UBR1: variants seen among roughly 807,000 people sequenced by gnomAD.
The protein encoded by UBR1 is E3 ubiquitin-protein ligase UBR1.
In UBR1, 102 loss-of-function variants were observed where a neutral mutation model predicts 242.1. The ratio of observed to expected loss-of-function variants is 0.42; its 90% CI spans 0.36 to 0.50. The LOEUF is 0.50. Among genes scored for constraint, UBR1 ranks in the 20% least tolerant of loss-of-function variants. UBR1 has a pLI of 0.01. For synonymous variants in UBR1, 675 were observed against 684.8 expected, an observed-to-expected ratio of 0.99 and a Z score of 0.22; for missense variants, 1,772 against 2,101.8, an observed-to-expected ratio of 0.84 and a Z score of 3.07.
intron 12 of UBR1, among the ~76,000 whole-genome samples, chr15:43,051,314 C>G (rs1458191400): frequency 6.6e-6 from 1 of 152,070 alleles, no homozygotes; most frequent in African/African-American, 2.4e-5. Flanking sequence ...AGCAAACTAA[C>G]GCAGAAACAG....
In UBR1 at chr15:42,986,375, A is replaced by C. The variant is rs574760148; in HGVS notation, c.3998-1433T>G. ...AATCCAATTACTAGATTATAGAACCACATATGAAAAGATTCAGCTCTATCA... is the reference window on the plus strand; with the variant it reads ...AATCCAATTACTAGATTATAGAACCCCATATGAAAAGATTCAGCTCTATCA... On this transcript the variant is annotated intron_variant, in intron 35 of 46. Transcript: ENST00000290650. Among the ~76,000 whole-genome samples, 8 of 152,342 alleles carry C rather than the reference A, an allele frequency of 5.3e-5. No homozygotes were observed. In the South Asian group the frequency reaches 1.7e-3, roughly 32 times the overall value.
At chr15:42,981,244 TA>T (rs201435915) in intron 37 of UBR1, among the ~76,000 whole-genome samples, 9 of 152,004 alleles carry the variant, frequency 5.9e-5, no homozygotes, top group African/African-American at 2.2e-4. Context: ...GTAATTTTAT[TA>T]AAAAAAACCT....
At position 43,074,881 on chromosome 15, in the gene UBR1, C is replaced by A. The variant is rs528995855; in HGVS notation, c.528+98G>T. 9.0e-6 allele frequency: 9 copies of A among 1,005,366 alleles called. No homozygotes were observed. In the East Asian group the frequency reaches 1.7e-4, roughly 19 times the overall value. The allele number at this position is 1,005,366 out of a possible 1,614,324, so 62.3% of individuals were successfully genotyped here. ...CACCTAAATATGAGAATAAAAACAG[C>A]AGGGTTCTAACTGGAATCTATACAC... On this transcript the variant is annotated intron_variant, in intron 4 of 46. Transcript: ENST00000290650.
intron 37 of UBR1, among the ~76,000 whole-genome samples, chr15:42,980,632 A>G (rs1209138978): frequency 6.6e-6 from 1 of 152,122 alleles, no homozygotes; most frequent in Non-Finnish European, 1.5e-5. Context: ...ATTTAGAGAC[A>G]AAGTCTCTCT....
chr15:43,036,625 A>C, intron 17 of UBR1, 32 bp from the exon 18 acceptor site: 1 of 1,418,934 alleles, frequency 7.0e-7, no homozygotes, highest in Non-Finnish European at 9.9e-7. Flanking sequence ...AAATCCTAAA[A>C]GAATTATTTT....
chr15:43,026,411 A>T, intron 23 of UBR1, 150 bp downstream of exon 23: 1 of 641,348 alleles, frequency 1.6e-6, no homozygotes, highest in Non-Finnish European at 2.7e-6. Context: ...ACTAGATAAG[A>T]TTATTGATTC....
At chr15:42,979,832 A>C (rs2032348586) in intron 37 of UBR1, among the ~76,000 whole-genome samples, 2 of 152,202 alleles carry the variant, frequency 1.3e-5, no homozygotes, top group South Asian at 4.1e-4. Context: ...TGCTGGGATT[A>C]CAGGTGTGAG....
chr15:42,947,440 T>C (rs1410630987), intron 46 of UBR1, among the ~76,000 whole-genome samples: 1 of 151,998 alleles, frequency 6.6e-6, no homozygotes, highest in Non-Finnish European at 1.5e-5. Context: ...CCAGGGCAAT[T>C]AGGCAGGAGA....
At position 42,952,316 on chromosome 15, in the gene UBR1, G is replaced by A. The variant is rs374962237; in HGVS notation, c.4968C>T (p.His1656=). The A allele has an allele frequency of 3.3e-5, 53 of 1,614,060 alleles. No individual in the cohort carries two copies. The highest frequency in any genetic ancestry group is 4.2e-5 in the Non-Finnish European group (50 of 1,180,044). ...NGEEVGACIF[H]ALHCGAGVCI... ...AGACTCCGGCTCCACAGTGAAGTGCGTGAAAAATGCAAGCTCCAACCTCTT... is the reference window on the plus strand; with the variant it reads ...AGACTCCGGCTCCACAGTGAAGTGCATGAAAAATGCAAGCTCCAACCTCTT... The change falls in exon 45 of 47, where the codon CAC becomes CAT. Residue 1656 remains histidine, a synonymous_variant. Coordinates refer to ENST00000290650, the MANE Select transcript of UBR1 (RefSeq NM_174916.3).
intron 4 of UBR1, 90 bp from the exon 5 acceptor site, chr15:43,071,015 G>A (rs1431532731): frequency 3.3e-6 from 5 of 1,509,748 alleles, no homozygotes; most frequent in Non-Finnish European, 4.5e-6. Flanking sequence ...TAATCACTTT[G>A]CTGAATTCAT....
chr15:42,946,694 C>A (rs1406099260), intron 46 of UBR1, among the ~76,000 whole-genome samples: 3 of 152,170 alleles, frequency 2.0e-5, no homozygotes, highest in Admixed American at 1.3e-4. Flanking sequence ...GAGGTCTAAT[C>A]TTTATCTATA....
At chr15:43,059,615 A>G in intron 8 of UBR1, 87 bp downstream of exon 8, 1 of 1,321,320 alleles carries the variant, frequency 7.6e-7, no homozygotes, top group South Asian at 1.4e-5. Context: ...GAAAAACTTT[A>G]TTTCATACTC....
chr15:43,099,332 CA>C (rs61577748), intron 1 of UBR1, among the ~76,000 whole-genome samples: 129,719 of 150,522 alleles, frequency 0.86, 55,889 homozygotes, highest in South Asian at 0.9. Flanking sequence ...TCCAAAAAAA[CA>C]AAAAAAAAAA....
chr15:42,992,350 T>C (rs536083309), intron 33 of UBR1, among the ~76,000 whole-genome samples: 32 of 152,356 alleles, frequency 2.1e-4, no homozygotes, highest in African/African-American at 7.7e-4. Context: ...TATTATCTTG[T>C]ATATTTGGAA....
intron 15 of UBR1, among the ~76,000 whole-genome samples, chr15:43,041,623 T>C (rs1467975566): frequency 2.0e-5 from 3 of 152,134 alleles, no homozygotes; most frequent in African/African-American, 4.8e-5. Context: ...AAAATTAGAT[T>C]TGACAATGAG....
intron 1 of UBR1, among the ~76,000 whole-genome samples, chr15:43,094,242 C>T (rs373946215): frequency 2.0e-5 from 3 of 151,978 alleles, no homozygotes; most frequent in Admixed American, 6.6e-5. Flanking sequence ...CCAGCCTGGC[C>T]GACATGATGA....
At chr15:43,024,726 G>A (rs937837802) in intron 25 of UBR1, 103 bp downstream of exon 25, 84 of 1,513,350 alleles carry the variant, frequency 5.6e-5, no homozygotes, top group East Asian at 2.7e-4. Context: ...CTATGTTTCC[G>A]GTGCTCTAGA....
At chr15:43,033,482 A>G (rs2033285513) in intron 19 of UBR1, among the ~76,000 whole-genome samples, 1 of 152,000 alleles carries the variant, frequency 6.6e-6, no homozygotes, top group Non-Finnish European at 1.5e-5. Flanking sequence ...CGTCTCTACT[A>G]AAAATACAAA....
At chr15:42,975,944 C>T (rs2032282337) in intron 39 of UBR1, among the ~76,000 whole-genome samples, 1 of 152,136 alleles carries the variant, frequency 6.6e-6, no homozygotes, top group South Asian at 2.1e-4. Flanking sequence ...TCTTGAACTT[C>T]TGAGCTTAAG....
Sources: allele counts gnomAD v4.1 joint callset (sites outside exome capture counted in the v4.1 genomes callset), GRCh38; gene constraint gnomAD v4.1.1; transcripts MANE v1.5; gene names NCBI Gene and HGNC (gene_info 2026-07-23, HGNC 2026-07-21).